The following ODF2L variants were observed in gnomAD, a reference collection of about 807,000 sequenced individuals.
ODF2L encodes protein BCAP.
Under a neutral mutation model 86.3 loss-of-function variants are expected in ODF2L, and 76 were observed. That is an observed-to-expected ratio of 0.88 (90% CI 0.73 to 1.07). The LOEUF is 1.07. Ranked by LOEUF, ODF2L falls within the 50% of genes least tolerant of loss-of-function variation. The probability of loss-of-function intolerance (pLI) is 0.00; values close to 1 mark genes in which losing one functional copy is unlikely to be tolerated. For missense variants in ODF2L, 748 were observed against 717.4 expected (o/e 1.04, Z -0.49); for synonymous variants, 241 against 231.3 (o/e 1.04, Z -0.38).
At chr1:86,357,778 C>G in intron 13 of ODF2L, 1 of 979,300 alleles carries the variant, frequency 1.0e-6, no homozygotes, top group Non-Finnish European at 1.2e-6. Flanking sequence ...TTGTTAAATA[C>G]TAGTTAGAAA....
At chr1:86,382,327 T>C (rs1021185408) in exon 7 of ODF2L, 1 of 1,611,894 alleles carries the variant, frequency 6.2e-7, no homozygotes, top group Admixed American at 1.7e-5. Context: ...TTTTACTGAT[T>C]GGGAAAAACG....
At chr1:86,357,135 C>T (rs1254458437) in intron 13 of ODF2L, among the ~76,000 whole-genome samples, 1 of 152,156 alleles carries the variant, frequency 6.6e-6, no homozygotes, top group East Asian at 1.9e-4. Flanking sequence ...ATTAATGTTA[C>T]TATCAACAAA....
At chr1:86,375,298 A>T (rs1389377731) in intron 8 of ODF2L, among the ~76,000 whole-genome samples, 1 of 152,166 alleles carries the variant, frequency 6.6e-6, no homozygotes, top group Non-Finnish European at 1.5e-5. Context: ...ACAATGCAAA[A>T]ATATATTTTC....
chr1:86,376,326 A>G, exon 8 of ODF2L: 1 of 1,612,324 alleles, frequency 6.2e-7, no homozygotes. Flanking sequence ...TTAAAGCTAC[A>G]GTTTTTTGCC....
chr1:86,366,675 G>C (rs1042776675), intron 11 of ODF2L, among the ~76,000 whole-genome samples: 2 of 151,090 alleles, frequency 1.3e-5, no homozygotes, highest in Non-Finnish European at 2.9e-5. Flanking sequence ...AATTCTTATA[G>C]GTATTTTCAG....
intron 13 of ODF2L, 38 bp downstream of exon 12, chr1:86,358,749 A>T: frequency 2.3e-6 from 2 of 872,756 alleles, no homozygotes; most frequent in Non-Finnish European, 3.4e-6. Flanking sequence ...AAAGTAAAAA[A>T]TATATAAAAT....
At chr1:86,391,556 G>A (rs1022150218) in intron 1 of ODF2L, among the ~76,000 whole-genome samples, 1 of 152,078 alleles carries the variant, frequency 6.6e-6, no homozygotes, top group Admixed American at 6.5e-5. Context: ...GACAAAGCAA[G>A]CAAAAACATA....
chr1:86,372,968 A>AAGGG (rs1659909299), intron 8 of ODF2L, among the ~76,000 whole-genome samples: 1 of 152,100 alleles, frequency 6.6e-6, no homozygotes, highest in Non-Finnish European at 1.5e-5. Flanking sequence ...AACTAGGGAG[A>AAGGG]AGGGAGGGAG....
At chr1:86,357,726 T>C (rs1362852400) in intron 13 of ODF2L, 1 of 974,262 alleles carries the variant, frequency 1.0e-6, no homozygotes, top group Middle Eastern at 5.3e-4. Flanking sequence ...CTTAAAACAG[T>C]GAAGTAAGAA....
intron 7 of ODF2L, among the ~76,000 whole-genome samples, chr1:86,377,449 G>A (rs1281527759): frequency 2.0e-5 from 3 of 152,124 alleles, no homozygotes; most frequent in Non-Finnish European, 4.4e-5. Context: ...GCTCCACTAG[G>A]CAGTGCTCCA....
intron 9 of ODF2L, among the ~76,000 whole-genome samples, 190 bp from the exon 10 acceptor site, chr1:86,371,343 ACT>A (rs1356234000): frequency 6.6e-6 from 1 of 152,186 alleles, no homozygotes; most frequent in Non-Finnish European, 1.5e-5. Flanking sequence ...AACCAAAGTA[ACT>A]CTGATTAGAA....
intron 16 of ODF2L, among the ~76,000 whole-genome samples, chr1:86,354,055 T>C (rs931354271): frequency 5.9e-5 from 9 of 152,368 alleles, no homozygotes; most frequent in African/African-American, 2.2e-4. Flanking sequence ...CCAGGTCTTA[T>C]TCATCTTTGC....
chr1:86,349,751 A>G (rs535013679), downstream of ODF2L: 4 of 152,256 alleles, frequency 2.6e-5, no homozygotes, highest in African/African-American at 9.6e-5. Flanking sequence ...AAGACATTTC[A>G]GGCTTCCCGA....
chr1:86,352,276 C>G, intron 17 of ODF2L: 1 of 1,402,214 alleles, frequency 7.1e-7, no homozygotes, highest in East Asian at 2.8e-5. Flanking sequence ...GTAATTTAAT[C>G]ATGAGTAATG....
chr1:86,394,975 G>C (rs1661621363), intron 1 of ODF2L, among the ~76,000 whole-genome samples: 1 of 151,714 alleles, frequency 6.6e-6, no homozygotes, highest in African/African-American at 2.4e-5. Flanking sequence ...CGAGTAGCTG[G>C]GACTACGGGC....
At chr1:86,369,557 A>C (rs558195856) in intron 10 of ODF2L, among the ~76,000 whole-genome samples, 3 of 152,182 alleles carry the variant, frequency 2.0e-5, no homozygotes, top group Non-Finnish European at 2.9e-5. Flanking sequence ...CATTGGTCTA[A>C]AGGAGACTGA....
intron 1 of ODF2L, among the ~76,000 whole-genome samples, chr1:86,390,413 C>T (rs758757048): frequency 3.5e-5 from 5 of 142,954 alleles, no homozygotes; most frequent in South Asian, 4.7e-4. Flanking sequence ...AGTGAGACTC[C>T]GTCTCAAGAA....
At chr1:86,386,878 C>T (rs768813071) in intron 2 of ODF2L, 37 bp downstream of exon 2, 12 of 1,046,430 alleles carry the variant, frequency 1.1e-5, no homozygotes, top group Middle Eastern at 2.3e-4. Context: ...ATCCTAGAAT[C>T]GGAAATTTAG....
chr1:86,359,439 T>G (rs1658856646), intron 12 of ODF2L, among the ~76,000 whole-genome samples: 1 of 151,870 alleles, frequency 6.6e-6, no homozygotes, highest in Admixed American at 6.6e-5. Flanking sequence ...AACTTAATTT[T>G]CCCATCTAAT....
Sources: allele counts gnomAD v4.1 joint callset (sites outside exome capture counted in the v4.1 genomes callset), GRCh38; gene constraint gnomAD v4.1.1; transcripts MANE v1.5; gene names NCBI Gene and HGNC (gene_info 2026-07-23, HGNC 2026-07-21).